The following ERBB4 variants were observed in gnomAD, a reference collection of about 807,000 sequenced individuals.
ERBB4 encodes the protein erb-b2 receptor tyrosine kinase 4.
A neutral mutation model predicts 158.0 loss-of-function variants in ERBB4; 42 were observed. The observed-to-expected ratio is 0.27, with a 90% CI of 0.21 to 0.34. The LOEUF (loss-of-function observed/expected upper bound fraction) is 0.34, where lower values mean the gene tolerates loss of function less well. Ranked by LOEUF, ERBB4 falls within the 10% of genes least tolerant of loss-of-function variation. The probability of loss-of-function intolerance (pLI) is 1.00; values close to 1 mark genes in which losing one functional copy is unlikely to be tolerated. For missense variants in ERBB4, 1,333 were observed against 1,624.1 expected (o/e 0.82, Z 3.08); for synonymous variants, 583 against 558.7 (o/e 1.04, Z -0.61).
chr2:211,953,768 T>C lies in ERBB4; in HGVS notation c.235-6152A>G, dbSNP rs142941236. Among the ~76,000 whole-genome samples the C allele has an allele frequency of 2.7e-3, 406 of 152,132 alleles. 1 individual carries two copies. The highest frequency in any genetic ancestry group is 4.9e-3 in the Admixed American group (74 of 15,238). On this transcript the variant is annotated intron_variant, in intron 2 of 27. Coordinates refer to ENST00000342788, the MANE Select transcript of ERBB4 (RefSeq NM_005235.3). ...TCTTCTAGCCCAAGGGACAATTTGT[T>C]TTGCTTATGACATTTGATGATAGAA...
At chr2:211,392,849 G>T (rs1376242454) in intron 25 of ERBB4, among the ~76,000 whole-genome samples, 1 of 151,964 alleles carries the variant, frequency 6.6e-6, no homozygotes, top group Non-Finnish European at 1.5e-5. Flanking sequence ...TAGAGACAGG[G>T]TTTCACTATC....
intron 1 of ERBB4, among the ~76,000 whole-genome samples, chr2:212,304,329 A>G (rs1191432587): frequency 6.6e-6 from 1 of 151,572 alleles, no homozygotes; most frequent in African/African-American, 2.4e-5. Flanking sequence ...TGAATATGGA[A>G]ACATTCTAAT....
At chr2:211,437,633 A>G (rs533280122) in intron 20 of ERBB4, among the ~76,000 whole-genome samples, 1 of 152,202 alleles carries the variant, frequency 6.6e-6, no homozygotes, top group Non-Finnish European at 1.5e-5. Context: ...TGCTTCTCAC[A>G]TATTGGCCAT....
At position 211,900,373 on chromosome 2, in the gene ERBB4, A is replaced by AACAC. The variant is rs72160363; in HGVS notation, c.421+47053_421+47056dup. 3.5e-3 allele frequency among the ~76,000 whole-genome samples: 518 copies of AACAC among 148,710 alleles called. 3 individuals carry two copies. The highest frequency in any genetic ancestry group is 0.014 in the Middle Eastern group (4 of 288). ...GAGTCTAATTACTATTTTATGTTTA[A>AACAC]ACACACACACACACACACACACACA... is the stretch of plus-strand genomic sequence containing the variant. On this transcript the variant is annotated intron_variant, in intron 3 of 27. Coordinates refer to ENST00000342788, the MANE Select transcript of ERBB4 (RefSeq NM_005235.3).
At chr2:211,429,618 C>T (rs1325552397) in intron 21 of ERBB4, among the ~76,000 whole-genome samples, 1 of 152,146 alleles carries the variant, frequency 6.6e-6, no homozygotes, top group African/African-American at 2.4e-5. Context: ...TTCTACTTTG[C>T]AGTTGAAAGC....
At chr2:212,521,357 C>G (rs944406784) in intron 1 of ERBB4, among the ~76,000 whole-genome samples, 1 of 151,666 alleles carries the variant, frequency 6.6e-6, no homozygotes, top group African/African-American at 2.4e-5. Flanking sequence ...CAGAGAGAGC[C>G]AAATTCTTCC....
At chr2:211,664,549 T>C (rs2071551722) in intron 15 of ERBB4, among the ~76,000 whole-genome samples, 1 of 152,214 alleles carries the variant, frequency 6.6e-6, no homozygotes, top group Non-Finnish European at 1.5e-5. Context: ...TCTTAAGAAA[T>C]ACTTGTTGGA....
intron 20 of ERBB4, among the ~76,000 whole-genome samples, chr2:211,487,841 G>A (rs927481104): frequency 6.6e-6 from 1 of 152,090 alleles, no homozygotes; most frequent in African/African-American, 2.4e-5. Context: ...ACTGGCCAGA[G>A]TAATTAGCTG....
At chr2:212,088,017 G>T (rs1183155636) in intron 2 of ERBB4, among the ~76,000 whole-genome samples, 1 of 152,060 alleles carries the variant, frequency 6.6e-6, no homozygotes, top group African/African-American at 2.4e-5. Flanking sequence ...ATTATTTGTT[G>T]CTATTGTTCT....
intron 19 of ERBB4, among the ~76,000 whole-genome samples, chr2:211,617,544 G>A (rs1218094892): frequency 1.3e-5 from 2 of 152,158 alleles, no homozygotes; most frequent in Admixed American, 6.6e-5. Flanking sequence ...TATGCAACAA[G>A]GTGATATTTA....
intron 2 of ERBB4, among the ~76,000 whole-genome samples, chr2:212,012,415 ATTT>A (rs34430050): frequency 1.4e-4 from 18 of 126,558 alleles, no homozygotes; most frequent in African/African-American, 3.6e-4. Flanking sequence ...TAAGAACTGC[ATTT>A]TTTTTTTTTT....
intron 2 of ERBB4, among the ~76,000 whole-genome samples, chr2:212,094,887 C>G (rs544796902): frequency 6.6e-6 from 1 of 151,618 alleles, no homozygotes; most frequent in South Asian, 2.1e-4. Context: ...TTATTTATTA[C>G]ATTTATATGT....
At chr2:212,231,022 T>C (rs779206530) in intron 1 of ERBB4, among the ~76,000 whole-genome samples, 8 of 152,234 alleles carry the variant, frequency 5.3e-5, no homozygotes, top group Non-Finnish European at 1.2e-4. Flanking sequence ...TATCTTTCTC[T>C]TGAATCTTCG....
intron 1 of ERBB4, among the ~76,000 whole-genome samples, chr2:212,499,602 C>T (rs1219800416): frequency 6.6e-6 from 1 of 152,058 alleles, no homozygotes; most frequent in Non-Finnish European, 1.5e-5. Flanking sequence ...GATAAAGGTA[C>T]TGGTATACGA....
intron 1 of ERBB4, among the ~76,000 whole-genome samples, chr2:212,142,651 A>G (rs1225233424): frequency 1.3e-5 from 2 of 148,882 alleles, no homozygotes; most frequent in South Asian, 4.2e-4. Flanking sequence ...TCAATTATAT[A>G]GTTATATAAC....
intron 3 of ERBB4, among the ~76,000 whole-genome samples, chr2:211,904,932 G>C (rs2079336541): frequency 2.0e-5 from 3 of 152,114 alleles, no homozygotes; most frequent in Admixed American, 6.6e-5. Context: ...CACAGATACT[G>C]TAAGAATCAC....
At chr2:212,436,228 A>G (rs530507230) in intron 1 of ERBB4, among the ~76,000 whole-genome samples, 6 of 152,164 alleles carry the variant, frequency 3.9e-5, no homozygotes, top group Middle Eastern at 6.8e-3. Context: ...AGCAATCGGT[A>G]AGATCTTAAA....
intron 9 of ERBB4, among the ~76,000 whole-genome samples, chr2:211,706,472 G>T (rs1029523977): frequency 1.3e-5 from 2 of 151,976 alleles, no homozygotes; most frequent in Admixed American, 1.3e-4. Context: ...ATTCATGCCA[G>T]CATTCAAGTC....
chr2:211,969,635 A>G (rs1440615315), intron 2 of ERBB4, among the ~76,000 whole-genome samples: 1 of 152,006 alleles, frequency 6.6e-6, no homozygotes, highest in Non-Finnish European at 1.5e-5. Context: ...CTTTATGCAC[A>G]GTTTAAGGGC....
Sources: allele counts gnomAD v4.1 joint callset (sites outside exome capture counted in the v4.1 genomes callset), GRCh38; gene constraint gnomAD v4.1.1; transcripts MANE v1.5; gene names NCBI Gene and HGNC (gene_info 2026-07-23, HGNC 2026-07-21).